Variants in PTPN12 observed in about 807,000 individuals in gnomAD.
PTPN12 encodes the protein protein tyrosine phosphatase non-receptor type 12.
Under a neutral mutation model 97.6 loss-of-function variants are expected in PTPN12, and 29 were observed. The observed-to-expected ratio is 0.30, with a 90% CI of 0.22 to 0.41. PTPN12 has a LOEUF of 0.41. Ranked by LOEUF, PTPN12 falls within the 10% of genes least tolerant of loss-of-function variation. The probability of loss-of-function intolerance (pLI) is 1.00; values close to 1 mark genes in which losing one functional copy is unlikely to be tolerated. For missense variants in PTPN12, 819 were observed against 926.0 expected (o/e 0.88, Z 1.50); for synonymous variants, 327 against 300.4 (o/e 1.09, Z -0.91).
At chr7:77,582,169 A>G (rs1261931092) in intron 3 of PTPN12, among the ~76,000 whole-genome samples, 4 of 122,982 alleles carry the variant, frequency 3.3e-5, no homozygotes, top group African/African-American at 1.3e-4. Flanking sequence ...ATCTCGGCTC[A>G]CTGCAAGCTC....
rs113532177 is a variant in PTPN12 at position 77,632,226 on chromosome 7, T to C, written c.1997-122T>C. On this transcript the variant is annotated intron_variant, in intron 13 of 17. Transcript: ENST00000248594. ...TGAGTGGAAAAGGTTTCTTGCATTT[T>C]TTTGCATTTTTAAAAACTGATCTAG... The C allele has an allele frequency of 7.9e-5, 57 of 720,092 alleles. 1 individual carries two copies. The Middle Eastern group carries it at 3.4e-3, about 43-fold the overall frequency. The allele number at this position is 720,092 out of a possible 1,614,324, so 44.6% of individuals were successfully genotyped here. A position where few individuals can be genotyped will look rare whatever the true frequency, so the allele number is the denominator to read the frequency against.
At position 77,632,882 on chromosome 7, in the gene PTPN12, G is replaced by T. The variant is rs536768266; in HGVS notation, c.2074+457G>T. Among the ~76,000 whole-genome samples the T allele has an allele frequency of 2.0e-5, 3 of 152,320 alleles. No homozygotes were observed. In the South Asian group the frequency reaches 6.2e-4, roughly 32 times the overall value. Reference sequence around the variant, plus strand: ...TGAGGCAGGAAAATGACTTGAACCCGGGAGTTGGAGGTTGCAGTGAGCCGA... The same window carrying T: ...TGAGGCAGGAAAATGACTTGAACCCTGGAGTTGGAGGTTGCAGTGAGCCGA... On this transcript the variant is annotated intron_variant, in intron 14 of 17. Coordinates refer to ENST00000248594, the MANE Select transcript of PTPN12 (RefSeq NM_002835.4).
At chr7:77,582,809 G>GT (rs536439411) in intron 3 of PTPN12, among the ~76,000 whole-genome samples, 36 of 151,542 alleles carry the variant, frequency 2.4e-4, no homozygotes, top group African/African-American at 8.2e-4. Context: ...AGTTTATGTG[G>GT]TAAAATTATT....
At chr7:77,584,710 T>C in intron 4 of PTPN12, among the ~76,000 whole-genome samples, 1 of 152,090 alleles carries the variant, frequency 6.6e-6, no homozygotes, top group Non-Finnish European at 1.5e-5. Flanking sequence ...ACCCTGTCTC[T>C]ACTAAAAATA....
intron 1 of PTPN12, among the ~76,000 whole-genome samples, chr7:77,552,741 A>G (rs977835560): frequency 6.6e-6 from 1 of 152,222 alleles, no homozygotes; most frequent in Non-Finnish European, 1.5e-5. Context: ...GTCTAGCATT[A>G]TAGTGGACAG....
intron 2 of PTPN12, among the ~76,000 whole-genome samples, chr7:77,575,920 C>T (rs1056019476): frequency 2.6e-5 from 4 of 152,074 alleles, no homozygotes; most frequent in Admixed American, 1.3e-4. Flanking sequence ...GGCATGATCT[C>T]GGCTCACTGC....
At chr7:77,633,400 G>T (rs1225185479) in intron 14 of PTPN12, among the ~76,000 whole-genome samples, 2 of 151,990 alleles carry the variant, frequency 1.3e-5, no homozygotes, top group African/African-American at 2.4e-5. Flanking sequence ...ACGAGGTCAG[G>T]ACATCAAGAC....
intron 14 of PTPN12, among the ~76,000 whole-genome samples, chr7:77,634,826 C>T (rs983452723): frequency 6.6e-6 from 1 of 151,988 alleles, no homozygotes; most frequent in Admixed American, 6.5e-5. Flanking sequence ...GATCGCCCGC[C>T]TCAGCCTCCC....
chr7:77,581,671 T>G (rs530502066), intron 3 of PTPN12, among the ~76,000 whole-genome samples, 168 bp downstream of exon 3: 8 of 152,362 alleles, frequency 5.3e-5, no homozygotes, highest in African/African-American at 1.7e-4. Flanking sequence ...TCTAGCCTTC[T>G]TATTCATATA....
chr7:77,567,253 G>A (rs535582778), intron 1 of PTPN12, among the ~76,000 whole-genome samples: 1 of 149,586 alleles, frequency 6.7e-6, no homozygotes, highest in East Asian at 2.0e-4. Context: ...TGGTAATTTT[G>A]TACCCACAGA....
chr7:77,585,323 A>T (rs1562729175), intron 4 of PTPN12: 2 of 421,058 alleles, frequency 4.7e-6, no homozygotes, highest in African/African-American at 2.0e-5. Context: ...ACATCATGTT[A>T]ATTGGAACCA....
At chr7:77,631,034 T>G (rs957917454) in intron 13 of PTPN12, among the ~76,000 whole-genome samples, 4 of 152,118 alleles carry the variant, frequency 2.6e-5, no homozygotes, top group African/African-American at 9.7e-5. Flanking sequence ...GAACTGCCCT[T>G]TTTGTTTTGT....
At chr7:77,563,089 G>A (rs777154080) in intron 1 of PTPN12, among the ~76,000 whole-genome samples, 6 of 151,898 alleles carry the variant, frequency 4.0e-5, no homozygotes, top group Non-Finnish European at 7.4e-5. Flanking sequence ...TCAAAATCAA[G>A]GACTATTACT....
intron 12 of PTPN12, among the ~76,000 whole-genome samples, chr7:77,620,200 T>A (rs541566138): frequency 6.6e-6 from 1 of 152,260 alleles, no homozygotes; most frequent in Non-Finnish European, 1.5e-5. Context: ...TCTAACTACA[T>A]GTAGCAGCAG....
rs371650087 is a variant in PTPN12, at chr7:77,627,464, C to T, written c.1785C>T (p.Leu595=). ...DNTSPLFRTP[L]SFTNPLHSDD... ...CTTCACCACTCTTCAGAACACCCCTCAGTTTTACTAATCCACTTCACTCTG... is the reference window on the plus strand; with the variant it reads ...CTTCACCACTCTTCAGAACACCCCTTAGTTTTACTAATCCACTTCACTCTG... The change falls in exon 13 of 18, where the codon CTC becomes CTT. Residue 595 remains leucine, a synonymous_variant. Transcript: ENST00000248594. The T allele has an allele frequency of 4.3e-6, 7 of 1,613,858 alleles. No homozygotes were observed. The highest frequency in any genetic ancestry group is 5.9e-6 in the Non-Finnish European group (7 of 1,179,792).
intron 13 of PTPN12, among the ~76,000 whole-genome samples, chr7:77,629,229 G>A (rs947942845): frequency 6.6e-6 from 1 of 152,232 alleles, no homozygotes; most frequent in Non-Finnish European, 1.5e-5. Flanking sequence ...GATTACAGGC[G>A]TGAGCCACCA....
rs375204885 is a variant in PTPN12 at position 77,537,661 on chromosome 7, C to A, written c.99+16C>A. The A allele has an allele frequency of 4.4e-6, 7 of 1,576,884 alleles. No homozygotes were observed. In the East Asian group the frequency reaches 7.2e-5, roughly 16 times the overall value. On this transcript the variant is annotated intron_variant, in intron 1 of 17. Coordinates refer to ENST00000248594, the MANE Select transcript of PTPN12 (RefSeq NM_002835.4). ...GGACTTCATGGTGAGTCTCTCCCCT[C>A]GCTGTCGCGTTTTCTTGCCGGCGCC...
At chr7:77,625,484 T>C (rs1156997105) in intron 12 of PTPN12, among the ~76,000 whole-genome samples, 2 of 89,152 alleles carry the variant, frequency 2.2e-5, no homozygotes, top group Non-Finnish European at 4.6e-5. Flanking sequence ...TCTCTCTCTC[T>C]CTCTCTCTCT....
intron 14 of PTPN12, 41 bp from the exon 15 acceptor site, chr7:77,635,741 A>G: frequency 7.5e-7 from 1 of 1,325,226 alleles, no homozygotes; most frequent in South Asian, 1.4e-5. Flanking sequence ...AAATTTCAGA[A>G]ATTCAAGGTG....
Sources: allele counts gnomAD v4.1 joint callset (sites outside exome capture counted in the v4.1 genomes callset), GRCh38; gene constraint gnomAD v4.1.1; transcripts MANE v1.5; gene names NCBI Gene and HGNC (gene_info 2026-07-23, HGNC 2026-07-21).